SOS2: variants seen among roughly 807,000 people sequenced by gnomAD.
The protein encoded by SOS2 is son of sevenless homolog 2.
A neutral mutation model predicts 148.2 loss-of-function variants in SOS2; 65 were observed. The observed-to-expected ratio is 0.44, with a 90% CI of 0.36 to 0.54. The LOEUF (loss-of-function observed/expected upper bound fraction) is 0.54. SOS2 is among the 20% of genes least tolerant of loss of function. The probability of loss-of-function intolerance (pLI) is 0.00; values close to 1 mark genes in which losing one functional copy is unlikely to be tolerated. For missense variants in SOS2, 1,341 were observed against 1,590.2 expected (o/e 0.84, Z 2.67); for synonymous variants, 539 against 537.1 (o/e 1.00, Z -0.05).
At chr14:50,220,797 A>C (rs1401971535) in intron 1 of SOS2, among the ~76,000 whole-genome samples, 1 of 152,230 alleles carries the variant, frequency 6.6e-6, no homozygotes, top group African/African-American at 2.4e-5. Flanking sequence ...ATAATCAAAT[A>C]TGTAAAAAAG....
chr14:50,189,843 ATTTTTTATTTTTTT>A (rs1886066234), intron 4 of SOS2, among the ~76,000 whole-genome samples: 1 of 45,080 alleles, frequency 2.2e-5, no homozygotes, highest in Non-Finnish European at 4.6e-5. Context: ...ACTATACTTT[ATTTTTTATTTTTTT>A]TTTTTTTGTG....
intron 8 of SOS2, among the ~76,000 whole-genome samples, chr14:50,166,489 A>G (rs796476685): frequency 1.3e-5 from 2 of 152,112 alleles, no homozygotes; most frequent in Admixed American, 6.6e-5. Context: ...TTGGCCTCCT[A>G]AAGTGCTAGG....
intron 6 of SOS2, among the ~76,000 whole-genome samples, chr14:50,180,923 T>C (rs1348161285): frequency 6.6e-6 from 1 of 151,370 alleles, no homozygotes. Context: ...CAAAAATTAA[T>C]GGGATATCTG....
intron 14 of SOS2, 23 bp from the exon 15 acceptor site, chr14:50,145,619 A>C: frequency 6.8e-7 from 1 of 1,479,604 alleles, no homozygotes. Context: ...AAATCAGTGC[A>C]ACTTAACCTA....
intron 14 of SOS2, among the ~76,000 whole-genome samples, chr14:50,146,707 A>T (rs746836211): frequency 6.6e-6 from 1 of 152,164 alleles, no homozygotes; most frequent in Non-Finnish European, 1.5e-5. Flanking sequence ...TCAGTGAAGC[A>T]TTATTTGCAA....
rs138424161 is a variant in SOS2, at chr14:50,223,499, C to A, written c.87+7698G>T. 2.4e-3 allele frequency among the ~76,000 whole-genome samples: 370 copies of A among 152,026 alleles called. 2 individuals carry two copies. In the Middle Eastern group the frequency reaches 0.061, roughly 25 times the overall value. ...ACCATCCTGGCCAACATGGTGAAAC[C>A]CCGTCTCTACTAAAAATACAAAAAA... On this transcript the variant is annotated intron_variant, in intron 1 of 22. Transcript: ENST00000216373.
chr14:50,138,533 A>C, intron 18 of SOS2, 79 bp downstream of exon 18: 7 of 613,110 alleles, frequency 1.1e-5, no homozygotes, highest in Non-Finnish European at 1.9e-5. Context: ...ATCCAATAGT[A>C]TGTCTTATTC....
intron 5 of SOS2, among the ~76,000 whole-genome samples, chr14:50,186,463 A>AAG (rs1220266380): frequency 6.6e-6 from 1 of 152,180 alleles, no homozygotes; most frequent in Non-Finnish European, 1.5e-5. Flanking sequence ...ATTCAAGATT[A>AAG]AGCTCTATAA....
intron 1 of SOS2, among the ~76,000 whole-genome samples, chr14:50,208,011 G>A (rs1886724683): frequency 6.6e-6 from 1 of 151,836 alleles, no homozygotes; most frequent in African/African-American, 2.4e-5. Context: ...AAATCTCTTT[G>A]TGGGCCCGGC....
rs144473685 is a variant in SOS2, at chr14:50,169,660, T to A, written c.1068+4794A>T. On this transcript the variant is annotated intron_variant, in intron 8 of 22. Coordinates refer to ENST00000216373, the MANE Select transcript of SOS2 (RefSeq NM_006939.4). ...GCCTCAAAAAACAAACAAAGTACATTGTTGGTTTATTGTTACTCATGGCAA... is the reference window on the plus strand; with the variant it reads ...GCCTCAAAAAACAAACAAAGTACATAGTTGGTTTATTGTTACTCATGGCAA... Among the ~76,000 whole-genome samples, 6 of 152,198 alleles carry A rather than the reference T, an allele frequency of 3.9e-5. No homozygotes were observed. In the East Asian group the frequency reaches 1.2e-3, roughly 29 times the overall value.
intron 13 of SOS2, among the ~76,000 whole-genome samples, chr14:50,150,900 T>G (rs1594974405): frequency 6.6e-6 from 1 of 152,168 alleles, no homozygotes; most frequent in Non-Finnish European, 1.5e-5. Context: ...TTTTGTTGTA[T>G]TTTTAGTACA....
chr14:50,164,622 TTC>T (rs981783364), intron 8 of SOS2, among the ~76,000 whole-genome samples: 58 of 150,782 alleles, frequency 3.8e-4, no homozygotes, highest in African/African-American at 1.3e-3. Context: ...TAAGGCGAGA[TTC>T]TGTCTCCAAA....
At chr14:50,209,619 T>C (rs1318900374) in intron 1 of SOS2, among the ~76,000 whole-genome samples, 2 of 151,760 alleles carry the variant, frequency 1.3e-5, no homozygotes, top group Non-Finnish European at 2.9e-5. Context: ...ATTAGCCAGA[T>C]GTGGTGGCAC....
At chr14:50,194,668 C>T (rs1306911053) in intron 4 of SOS2, among the ~76,000 whole-genome samples, 1 of 150,840 alleles carries the variant, frequency 6.6e-6, no homozygotes, top group East Asian at 2.0e-4. Flanking sequence ...ATCCCAGCTA[C>T]TTGAGAGGCT....
At chr14:50,213,665 T>C (rs1886956281) in intron 1 of SOS2, among the ~76,000 whole-genome samples, 1 of 151,542 alleles carries the variant, frequency 6.6e-6, no homozygotes, top group East Asian at 1.9e-4. Context: ...AGTGAGACCC[T>C]GTCCCCCCCA....
Position 50,209,691 on chromosome 14 carries a change from G to A in SOS2, c.88-5282C>T, listed in dbSNP as rs553799307. On this transcript the variant is annotated intron_variant, in intron 1 of 22. Coordinates refer to ENST00000216373, the MANE Select transcript of SOS2 (RefSeq NM_006939.4). The stretch of plus-strand genomic sequence containing the variant: ...GGAGGATCACCTGAACCCGGAGGTC[G>A]AGGCTGCAGTGAGCCATGATTATGC... Among the ~76,000 whole-genome samples the A allele has an allele frequency of 4.0e-4, 60 of 151,560 alleles. No homozygotes were observed. The Middle Eastern group carries it at 0.017, about 43-fold the overall frequency.
intron 5 of SOS2, among the ~76,000 whole-genome samples, chr14:50,184,467 T>G (rs183935956): frequency 2.6e-5 from 4 of 152,228 alleles, no homozygotes; most frequent in Non-Finnish European, 5.9e-5. Flanking sequence ...GTACCTTTGA[T>G]AAATACTGAG....
chr14:50,229,927 C>A, intron 1 of SOS2, among the ~76,000 whole-genome samples: 1 of 152,202 alleles, frequency 6.6e-6, no homozygotes, highest in East Asian at 1.9e-4. Flanking sequence ...CTTTTCATTT[C>A]TTTCCCTCTC....
chr14:50,158,823 A>G (rs1306804581), intron 10 of SOS2, among the ~76,000 whole-genome samples, 177 bp from the exon 11 acceptor site: 4 of 152,128 alleles, frequency 2.6e-5, no homozygotes, highest in Non-Finnish European at 5.9e-5. Flanking sequence ...CCATACATAG[A>G]GAAATACTGA....
Sources: gnomAD v4.1 joint callset for allele counts (sites outside exome capture counted in the v4.1 genomes callset) on GRCh38, gnomAD v4.1.1 for gene constraint, MANE v1.5 for transcripts, NCBI Gene and HGNC (gene_info 2026-07-23, HGNC 2026-07-21) for gene names.